PAX7: variants seen among roughly 807,000 people sequenced by gnomAD.
PAX7 encodes the protein paired box protein Pax-7.
Under a neutral mutation model 50.7 loss-of-function variants are expected in PAX7, and 18 were observed. That is an observed-to-expected ratio of 0.36 (90% CI 0.25 to 0.53). The LOEUF is 0.53. Among genes scored for constraint, PAX7 ranks in the 20% least tolerant of loss-of-function variants. The pLI is 0.93. For missense variants in PAX7, 644 were observed against 702.9 expected (o/e 0.92, Z 0.95); for synonymous variants, 310 against 290.4 (o/e 1.07, Z -0.69).
chr1:18,646,973 T>G (rs1015484470), intron 4 of PAX7, among the ~76,000 whole-genome samples: 218 of 9,318 alleles, frequency 0.023, no homozygotes, highest in Admixed American at 0.035. Context: ...AGCCCGGGGG[T>G]GGGGTGGGGG....
intron 8 of PAX7, among the ~76,000 whole-genome samples, chr1:18,741,203 C>T (rs1474205000): frequency 2.0e-5 from 3 of 152,220 alleles, no homozygotes; most frequent in Non-Finnish European, 4.4e-5. Context: ...CATCCCAGCA[C>T]TTTGGGAGGC....
chr1:18,675,974 G>A (rs568808591), intron 4 of PAX7, among the ~76,000 whole-genome samples: 2 of 152,278 alleles, frequency 1.3e-5, no homozygotes, highest in South Asian at 2.1e-4. Context: ...GCTCCAAGCC[G>A]GGGTCCGCTC....
At chr1:18,635,670 G>A (rs2088142662) in intron 3 of PAX7, among the ~76,000 whole-genome samples, 1 of 152,136 alleles carries the variant, frequency 6.6e-6, no homozygotes, top group Admixed American at 6.5e-5. Context: ...ATCTGTCCTA[G>A]GAGGGTGGAT....
chr1:18,698,172 C>T (rs898057873), intron 5 of PAX7, among the ~76,000 whole-genome samples: 1 of 151,932 alleles, frequency 6.6e-6, no homozygotes, highest in East Asian at 1.9e-4. Context: ...TGTTCGCCAC[C>T]TTCACCTATT....
In PAX7 at chr1:18,631,611, C is replaced by A; in HGVS notation, c.8C>A (p.Ala3Asp). MA[A>D]LPGTVPRMMR... The stretch of plus-strand genomic sequence containing the variant: ...TCCCCGGCGTGCGCAAGAATGGCGG[C>A]CCTTCCCGGCACGGTACCGAGAATG... Residue 3 changes from alanine to aspartate, a missense_variant, in exon 1 of 9, where the codon GCC (alanine) becomes GAC (aspartate). Ala to Asp is a moderately radical substitution (Grantham distance 126). Transcript: ENST00000420770. 2 of 1,612,072 alleles carry A rather than the reference C, an allele frequency of 1.2e-6. No individual in the cohort carries two copies. The highest frequency in any genetic ancestry group is 1.1e-5 in the South Asian group (1 of 90,446).
chr1:18,695,095 C>T (rs887233530), intron 5 of PAX7, among the ~76,000 whole-genome samples: 2 of 151,948 alleles, frequency 1.3e-5, no homozygotes, highest in African/African-American at 4.8e-5. Flanking sequence ...GAGCCAAATA[C>T]CTAGATGTGG....
intron 5 of PAX7, among the ~76,000 whole-genome samples, chr1:18,692,871 T>G (rs1329605615): frequency 6.6e-6 from 1 of 152,148 alleles, no homozygotes; most frequent in Non-Finnish European, 1.5e-5. Flanking sequence ...GCTCGAGGAC[T>G]GCCCCGCCTG....
chr1:18,734,643 C>T (rs2089688727), intron 7 of PAX7, among the ~76,000 whole-genome samples: 1 of 152,208 alleles, frequency 6.6e-6, no homozygotes. Context: ...ACTGGGTGCC[C>T]TCCTCTGTGT....
In PAX7 at chr1:18,636,232, C is replaced by T. The variant is rs1454107826; in HGVS notation, c.452-5C>T. The T allele has an allele frequency of 6.2e-7, 1 of 1,613,192 alleles. No homozygotes were observed. The highest frequency in any genetic ancestry group is 1.3e-5 in the African/African-American group (1 of 74,922). ...TACTTGCTCTTTTGCCTTTGAATTT[C>T]TGAGGTTTAGTGAGTTCGATTAGCC... is the stretch of plus-strand genomic sequence containing the variant. On this transcript the variant is annotated splice_polypyrimidine_tract_variant and splice_region_variant and intron_variant, in intron 3 of 8. Transcript: ENST00000420770. The surrounding 1 kb of genome is among the most constrained non-coding windows in gnomAD (Gnocchi z 5.1).
At chr1:18,679,456 C>T (rs576948292) in intron 4 of PAX7, among the ~76,000 whole-genome samples, 29 of 152,190 alleles carry the variant, frequency 1.9e-4, no homozygotes, top group Non-Finnish European at 4.0e-4. Flanking sequence ...CTTTTCCTTT[C>T]CATGCCGGGC....
intron 4 of PAX7, among the ~76,000 whole-genome samples, chr1:18,684,508 C>CCCCGTACA (rs1166684403): frequency 6.6e-6 from 1 of 152,236 alleles, no homozygotes; most frequent in South Asian, 2.1e-4. Context: ...CACGCCCGAG[C>CCCCGTACA]CCCGTACACC....
chr1:18,741,000 G>A (rs1223183158), intron 8 of PAX7, among the ~76,000 whole-genome samples: 1 of 152,180 alleles, frequency 6.6e-6, no homozygotes, highest in African/African-American at 2.4e-5. Context: ...AAGCAGGGAG[G>A]GAGATGAAGA....
At chr1:18,729,341 A>G (rs1352122145) in intron 7 of PAX7, among the ~76,000 whole-genome samples, 1 of 152,142 alleles carries the variant, frequency 6.6e-6, no homozygotes, top group East Asian at 1.9e-4. Flanking sequence ...AGGGGGCAGG[A>G]GGGAGTGGCA....
intron 7 of PAX7, among the ~76,000 whole-genome samples, chr1:18,717,955 C>G (rs1188762115): frequency 1.3e-5 from 2 of 152,206 alleles, no homozygotes; most frequent in African/African-American, 4.8e-5. Flanking sequence ...GGCCAGCTGG[C>G]CTGACTCGCT....
At chr1:18,660,452 A>G (rs2088583702) in intron 4 of PAX7, among the ~76,000 whole-genome samples, 1 of 150,394 alleles carries the variant, frequency 6.6e-6, no homozygotes, top group South Asian at 2.1e-4. Flanking sequence ...TTCCAGGGAA[A>G]CCAAAGTGGG....
chr1:18,748,201 A>G lies in PAX7; in HGVS notation c.*3272A>G. Reference sequence around the variant, plus strand: ...GATTGAAATCTGACTCTGGCTTGAGAACAGGACGGGTCCCAGAGTTTGACC... The same window carrying G: ...GATTGAAATCTGACTCTGGCTTGAGGACAGGACGGGTCCCAGAGTTTGACC... On this transcript the variant is annotated 3_prime_UTR_variant, in exon 9 of 9. Coordinates refer to ENST00000420770, the MANE Select transcript of PAX7 (RefSeq NM_001135254.2). The G allele has an allele frequency of 4.4e-6, 1 of 224,904 alleles. No homozygotes were observed. The highest frequency in any genetic ancestry group is 1.8e-4 in the South Asian group (1 of 5,446). The allele number at this position is 224,904 out of a possible 1,614,324, so 13.9% of individuals were successfully genotyped here. A position where few individuals can be genotyped will look rare whatever the true frequency, so the allele number is the denominator to read the frequency against.
chr1:18,735,448 C>T lies in PAX7; in HGVS notation c.1156-184C>T, dbSNP rs1300796839. Among the ~76,000 whole-genome samples, 1 of 152,184 alleles carries T rather than the reference C, an allele frequency of 6.6e-6. No homozygotes were observed. The highest frequency in any genetic ancestry group is 1.5e-5 in the Non-Finnish European group (1 of 68,030). On this transcript the variant is annotated intron_variant, in intron 7 of 8. Coordinates refer to ENST00000420770, the MANE Select transcript of PAX7 (RefSeq NM_001135254.2). This position sits in a 1 kb window ranked among gnomAD's most constrained non-coding sequence, Gnocchi z 4.0. The stretch of plus-strand genomic sequence containing the variant: ...CCTCCTTCAAGAGAAACACCGAAGA[C>T]CAGCAGCCATCCCATGCATGAGGGC...
intron 7 of PAX7, among the ~76,000 whole-genome samples, chr1:18,703,608 T>G (rs1169392059): frequency 1.3e-5 from 2 of 152,216 alleles, no homozygotes; most frequent in Non-Finnish European, 2.9e-5. Flanking sequence ...GTTAAGTCAT[T>G]CATTGCCTCG....
chr1:18,693,240 C>G (rs1268397880), intron 5 of PAX7, among the ~76,000 whole-genome samples: 3 of 152,174 alleles, frequency 2.0e-5, no homozygotes, highest in Non-Finnish European at 2.9e-5. Context: ...GCGGGCACTT[C>G]CATCCAAGAG....
Sources: gnomAD v4.1 joint callset for allele counts (sites outside exome capture counted in the v4.1 genomes callset) on GRCh38, gnomAD v4.1.1 for gene constraint, Gnocchi (gnomAD v3.1) non-coding constraint, MANE v1.5 for transcripts, NCBI Gene and HGNC (gene_info 2026-07-23, HGNC 2026-07-21) for gene names.